The following FMN1 variants were observed in gnomAD, a reference collection of about 807,000 sequenced individuals.
FMN1 encodes the protein formin 1, also known as formin-1.
A neutral mutation model predicts 132.4 loss-of-function variants in FMN1; 110 were observed. The ratio of observed to expected loss-of-function variants is 0.83; its 90% CI spans 0.71 to 0.97. The LOEUF (loss-of-function observed/expected upper bound fraction) is 0.97, where lower values mean the gene tolerates loss of function less well. FMN1 is among the 50% of genes least tolerant of loss of function. The probability of loss-of-function intolerance (pLI) is 0.00; values close to 1 mark genes in which losing one functional copy is unlikely to be tolerated. For synonymous variants in FMN1, 722 were observed against 651.7 expected, an observed-to-expected ratio of 1.11 and a Z score of -1.64; for missense variants, 1,792 against 1,705.3, an observed-to-expected ratio of 1.05 and a Z score of -0.90.
In FMN1 at chr15:32,796,861, CCAT is replaced by C. The variant is rs554444937; in HGVS notation, c.4130+1940_4130+1942del. 2.2e-3 allele frequency among the ~76,000 whole-genome samples: 333 copies of C among 152,300 alleles called. 1 individual carries two copies. The highest frequency in any genetic ancestry group is 7.6e-3 in the African/African-American group (317 of 41,552). ...GCTGCCTCCAGAAATATCTTATTAG[CCAT>C]CATCAACTTTCAGAGATGTTGTTTT... On this transcript the variant is annotated intron_variant, in intron 19 of 20. Coordinates refer to ENST00000616417, the MANE Select transcript of FMN1 (RefSeq NM_001277313.2).
At chr15:32,810,367 G>C (rs1380970081) in intron 17 of FMN1, among the ~76,000 whole-genome samples, 1 of 152,150 alleles carries the variant, frequency 6.6e-6, no homozygotes, top group East Asian at 1.9e-4. Context: ...GAGTAGAGTA[G>C]AACTGAAAAG....
intron 4 of FMN1, among the ~76,000 whole-genome samples, chr15:33,099,692 G>A (rs146502398): frequency 3.9e-5 from 6 of 152,172 alleles, no homozygotes; most frequent in East Asian, 3.9e-4. Flanking sequence ...TATTTGGTAG[G>A]GATACCATAT....
chr15:32,967,023 C>G, intron 8 of FMN1, among the ~76,000 whole-genome samples: 1 of 152,302 alleles, frequency 6.6e-6, no homozygotes, highest in East Asian at 1.9e-4. Context: ...GGGCAGCCCC[C>G]CGTGTTATGT....
intron 5 of FMN1, among the ~76,000 whole-genome samples, chr15:33,080,108 A>C (rs1010713834): frequency 5.3e-5 from 8 of 152,374 alleles, no homozygotes; most frequent in African/African-American, 1.7e-4. Flanking sequence ...AGAACAAGTC[A>C]CATTGTCACG....
chr15:33,016,153 ATATG>A (rs2035033679), intron 6 of FMN1, among the ~76,000 whole-genome samples: 1 of 152,170 alleles, frequency 6.6e-6, no homozygotes, highest in Non-Finnish European at 1.5e-5. Context: ...AATAGTATAA[ATATG>A]TATCAAATTT....
At chr15:32,886,486 T>C (rs558523140) in intron 16 of FMN1, among the ~76,000 whole-genome samples, 2 of 152,268 alleles carry the variant, frequency 1.3e-5, no homozygotes, top group East Asian at 3.9e-4. Flanking sequence ...AAAGAAGGTG[T>C]ACCAAAGTGA....
chr15:32,828,978 T>C (rs1214847756), intron 17 of FMN1, among the ~76,000 whole-genome samples: 2 of 152,208 alleles, frequency 1.3e-5, no homozygotes, highest in Non-Finnish European at 2.9e-5. Context: ...GTATATTTGC[T>C]ACACATCGAA....
intron 16 of FMN1, among the ~76,000 whole-genome samples, chr15:32,885,425 T>C (rs1336657327): frequency 1.5e-4 from 23 of 152,348 alleles, no homozygotes; most frequent in Admixed American, 1.4e-3. Context: ...GCGTGATATG[T>C]ATTGAACACA....
At chr15:32,859,328 A>T (rs2059210933) in intron 16 of FMN1, among the ~76,000 whole-genome samples, 1 of 152,208 alleles carries the variant, frequency 6.6e-6, no homozygotes, top group Non-Finnish European at 1.5e-5. Context: ...GGATTATTTA[A>T]GGCCTTTTCC....
At chr15:32,838,141 A>C (rs1342254247) in intron 17 of FMN1, among the ~76,000 whole-genome samples, 2 of 152,178 alleles carry the variant, frequency 1.3e-5, no homozygotes, top group Admixed American at 6.5e-5. Context: ...CTGAATATGA[A>C]GGAATCTGGA....
Position 32,774,063 on chromosome 15 carries a change from C to T in FMN1, c.*247G>A. On this transcript the variant is annotated 3_prime_UTR_variant, in exon 21 of 21. Coordinates refer to ENST00000616417, the MANE Select transcript of FMN1 (RefSeq NM_001277313.2). ...GCTCTTAGAGTGGACTTTGGGCTTCCACAAGAAACAGTCATCAAATATTTC... is the reference window on the plus strand; with the variant it reads ...GCTCTTAGAGTGGACTTTGGGCTTCTACAAGAAACAGTCATCAAATATTTC... The T allele has an allele frequency of 4.0e-6, 2 of 495,038 alleles. No homozygotes were observed. The highest frequency in any genetic ancestry group is 2.0e-5 in the African/African-American group (1 of 49,032). The allele number at this position is 495,038 out of a possible 1,614,324, so 30.7% of individuals were successfully genotyped here.
At chr15:32,859,123 G>GT (rs1027020283) in intron 16 of FMN1, among the ~76,000 whole-genome samples, 6 of 152,304 alleles carry the variant, frequency 3.9e-5, no homozygotes, top group Admixed American at 3.9e-4. Flanking sequence ...TAGTGGGGAA[G>GT]TATCTTGTTG....
intron 2 of FMN1, among the ~76,000 whole-genome samples, chr15:33,190,164 TG>T (rs1264661488): frequency 1.3e-5 from 2 of 152,244 alleles, no homozygotes; most frequent in Admixed American, 1.3e-4. Flanking sequence ...TTCTCCATTC[TG>T]GCTCAGCAAT....
intron 3 of FMN1, among the ~76,000 whole-genome samples, chr15:33,167,724 T>G (rs1965165114): frequency 6.6e-6 from 1 of 152,256 alleles, no homozygotes. Context: ...ATGTATTAGA[T>G]GCTGTATTCT....
chr15:32,812,181 G>C (rs2057906255), intron 17 of FMN1, among the ~76,000 whole-genome samples: 1 of 152,094 alleles, frequency 6.6e-6, no homozygotes, highest in South Asian at 2.1e-4. Flanking sequence ...ACATCACCGG[G>C]AACATTCTAA....
chr15:32,804,216 CATA>C (rs202231530), intron 18 of FMN1, 62 bp downstream of exon 18: 14,949 of 1,179,144 alleles, frequency 0.013, 134 homozygotes, highest in Non-Finnish European at 0.015. Flanking sequence ...GAATGCACTT[CATA>C]ATAATAATAC....
intron 7 of FMN1, among the ~76,000 whole-genome samples, chr15:32,988,049 G>GTTTTTTTTT (rs10573409): frequency 1.3e-4 from 15 of 118,166 alleles, no homozygotes; most frequent in Non-Finnish European, 1.4e-4. Context: ...TGTCTCTCCA[G>GTTTTTTTTT]TTTTTTTTTT....
intron 6 of FMN1, among the ~76,000 whole-genome samples, chr15:33,010,973 A>C (rs2034685271): frequency 6.8e-6 from 1 of 147,910 alleles, no homozygotes; most frequent in Non-Finnish European, 1.5e-5. Context: ...TCATATTGTA[A>C]AGGTGTGAGT....
intron 4 of FMN1, among the ~76,000 whole-genome samples, chr15:33,126,813 G>A (rs1595533459): frequency 6.6e-6 from 1 of 152,190 alleles, no homozygotes; most frequent in African/African-American, 2.4e-5. Context: ...AACTCTTTTC[G>A]ATCCGCCTTC....
Sources: allele counts gnomAD v4.1 joint callset (sites outside exome capture counted in the v4.1 genomes callset), GRCh38; gene constraint gnomAD v4.1.1; transcripts MANE v1.5; gene names NCBI Gene and HGNC (gene_info 2026-07-23, HGNC 2026-07-21).